The following DOK6 variants were observed in gnomAD, a reference collection of about 807,000 sequenced individuals.
DOK6 encodes downstream of tyrosine kinase 6.
DOK6 carries 22 observed loss-of-function variants against 44.0 expected under a neutral mutation model. The observed-to-expected ratio is 0.50, with a 90% CI of 0.36 to 0.71. The LOEUF (loss-of-function observed/expected upper bound fraction) is 0.71, where lower values mean the gene tolerates loss of function less well. Ranked by LOEUF, DOK6 falls within the 30% of genes least tolerant of loss-of-function variation. The pLI, the probability that DOK6 is intolerant of heterozygous loss-of-function variation, is 0.00. For synonymous variants in DOK6, 166 were observed against 145.5 expected (o/e 1.14, Z -1.01); for missense variants, 340 against 416.4 (o/e 0.82, Z 1.60).
At chr18:69,570,928 C>T (rs1454178663) in intron 2 of DOK6, among the ~76,000 whole-genome samples, 2 of 152,026 alleles carry the variant, frequency 1.3e-5, no homozygotes, top group Non-Finnish European at 2.9e-5. Flanking sequence ...AAAGTGAGTT[C>T]TTCAGGCAGA....
chr18:69,658,098 C>G (rs1218167324), intron 3 of DOK6, among the ~76,000 whole-genome samples: 1 of 151,984 alleles, frequency 6.6e-6, no homozygotes, highest in Admixed American at 6.6e-5. Context: ...ACTAGAGGCA[C>G]CACCACGCCC....
At chr18:69,484,509 C>A (rs1214158837) in intron 1 of DOK6, among the ~76,000 whole-genome samples, 1 of 152,028 alleles carries the variant, frequency 6.6e-6, no homozygotes, top group East Asian at 1.9e-4. Context: ...ATGGCAAAAT[C>A]TAGAAGGGTT....
intron 3 of DOK6, among the ~76,000 whole-genome samples, chr18:69,623,090 A>G (rs1984480601): frequency 1.3e-5 from 2 of 152,136 alleles, no homozygotes; most frequent in South Asian, 4.1e-4. Context: ...CTCATGACAG[A>G]GTTCTCAGGA....
intron 7 of DOK6, among the ~76,000 whole-genome samples, chr18:69,811,208 C>T (rs568500510): frequency 5.3e-5 from 8 of 151,504 alleles, no homozygotes; most frequent in African/African-American, 1.2e-4. Context: ...AGACACAGAG[C>T]GGAAAAAAAT....
intron 6 of DOK6, among the ~76,000 whole-genome samples, chr18:69,752,776 G>A (rs1441218119): frequency 2.0e-5 from 3 of 152,130 alleles, no homozygotes; most frequent in East Asian, 1.9e-4. Flanking sequence ...GAGGCACAGC[G>A]AGCATCATGA....
At chr18:69,613,805 T>C (rs1436429489) in intron 3 of DOK6, among the ~76,000 whole-genome samples, 2 of 151,808 alleles carry the variant, frequency 1.3e-5, no homozygotes, top group South Asian at 2.1e-4. Context: ...TATTCCATAA[T>C]ATAATGAGGA....
chr18:69,545,811 T>G (rs981486321), intron 1 of DOK6, among the ~76,000 whole-genome samples: 1 of 151,452 alleles, frequency 6.6e-6, no homozygotes, highest in Non-Finnish European at 1.5e-5. Context: ...GATTATATAA[T>G]TGCAAATGAT....
chr18:69,618,057 T>C (rs1274196786), intron 3 of DOK6, among the ~76,000 whole-genome samples: 1 of 152,112 alleles, frequency 6.6e-6, no homozygotes, highest in East Asian at 1.9e-4. Flanking sequence ...CACGTGGAGA[T>C]GCAAAGAGGC....
At chr18:69,820,722 A>G (rs1442469105) in intron 7 of DOK6, among the ~76,000 whole-genome samples, 2 of 152,194 alleles carry the variant, frequency 1.3e-5, no homozygotes, top group African/African-American at 2.4e-5. Context: ...CATCAAAAAG[A>G]GTGAGATTAT....
intron 2 of DOK6, among the ~76,000 whole-genome samples, chr18:69,597,671 A>C (rs1159788735): frequency 6.6e-6 from 1 of 152,230 alleles, no homozygotes; most frequent in African/African-American, 2.4e-5. Flanking sequence ...ATGTGTCTAC[A>C]GTATGACCAC....
intron 3 of DOK6, among the ~76,000 whole-genome samples, chr18:69,641,890 T>C (rs1984950795): frequency 6.6e-6 from 1 of 152,220 alleles, no homozygotes. Flanking sequence ...CTGCATGTTC[T>C]TTCCCCCTCT....
At chr18:69,585,088 T>C (rs887281168) in intron 2 of DOK6, among the ~76,000 whole-genome samples, 2 of 152,014 alleles carry the variant, frequency 1.3e-5, no homozygotes, top group Admixed American at 1.3e-4. Flanking sequence ...GTTGCTTTAT[T>C]TTAAATCACA....
intron 1 of DOK6, among the ~76,000 whole-genome samples, chr18:69,430,373 TTTA>T (rs1478030622): frequency 6.6e-6 from 1 of 152,196 alleles, no homozygotes; most frequent in Non-Finnish European, 1.5e-5. Context: ...CTTTCGCTTT[TTTA>T]TTATTTTTTG....
intron 7 of DOK6, among the ~76,000 whole-genome samples, chr18:69,835,803 AC>A (rs1191972857): frequency 6.6e-6 from 1 of 152,168 alleles, no homozygotes; most frequent in Admixed American, 6.5e-5. Context: ...TAGGGACAGT[AC>A]CCTTTTATCT....
At chr18:69,736,197 G>A (rs1242272606) in intron 5 of DOK6, among the ~76,000 whole-genome samples, 1 of 152,160 alleles carries the variant, frequency 6.6e-6, no homozygotes, top group Admixed American at 6.5e-5. Flanking sequence ...CTAGGTTATA[G>A]TAGCTACTTG....
At chr18:69,612,535 C>T (rs1218514131) in intron 3 of DOK6, among the ~76,000 whole-genome samples, 1 of 120,094 alleles carries the variant, frequency 8.3e-6, no homozygotes, top group Non-Finnish European at 1.8e-5. Context: ...CAGCCTGGCA[C>T]CAACACCTCA....
intron 5 of DOK6, among the ~76,000 whole-genome samples, chr18:69,719,056 G>T (rs917228320): frequency 6.6e-6 from 1 of 152,168 alleles, no homozygotes. Context: ...AGCCCAATGG[G>T]TTCTTGCTCT....
intron 2 of DOK6, among the ~76,000 whole-genome samples, chr18:69,598,007 A>G (rs1039172853): frequency 5.3e-5 from 8 of 152,184 alleles, no homozygotes; most frequent in Non-Finnish European, 8.8e-5. Flanking sequence ...TGTAGTCTCC[A>G]TTCCAACATA....
chr18:69,623,162 T>A (rs2144639978), intron 3 of DOK6, among the ~76,000 whole-genome samples: 1 of 152,258 alleles, frequency 6.6e-6, no homozygotes, highest in East Asian at 1.9e-4. Flanking sequence ...CTGCTGGCCA[T>A]CTGAATATAT....
Sources: gnomAD v4.1 joint callset for allele counts (sites outside exome capture counted in the v4.1 genomes callset) on GRCh38, gnomAD v4.1.1 for gene constraint, MANE v1.5 for transcripts, NCBI Gene and HGNC (gene_info 2026-07-23, HGNC 2026-07-21) for gene names.